FSTL5: variants seen among roughly 807,000 people sequenced by gnomAD.
FSTL5 encodes the protein follistatin like 5.
In FSTL5, 62 loss-of-function variants were observed where a neutral mutation model predicts 89.1. That is an observed-to-expected ratio of 0.70 (90% CI 0.57 to 0.86). The LOEUF is 0.86. Among genes scored for constraint, FSTL5 ranks in the 40% least tolerant of loss-of-function variants. The pLI is 0.00. For missense variants in FSTL5, 1,057 were observed against 1,001.6 expected (o/e 1.06, Z -0.75); for synonymous variants, 383 against 346.2 (o/e 1.11, Z -1.18).
intron 2 of FSTL5, among the ~76,000 whole-genome samples, chr4:162,106,859 A>G (rs530781043): frequency 9.9e-5 from 15 of 152,180 alleles, no homozygotes; most frequent in Admixed American, 9.8e-4. Context: ...AGGACATTTT[A>G]CTCATCATAG....
chr4:162,046,775 A>G (rs1292347027), intron 2 of FSTL5, among the ~76,000 whole-genome samples: 2 of 152,186 alleles, frequency 1.3e-5, no homozygotes, highest in South Asian at 2.1e-4. Flanking sequence ...TATGAAAACT[A>G]GTGAATTTGT....
intron 4 of FSTL5, among the ~76,000 whole-genome samples, chr4:161,892,391 TGTA>T (rs1293251733): frequency 1.3e-5 from 2 of 152,096 alleles, no homozygotes; most frequent in Admixed American, 6.5e-5. Flanking sequence ...TTCTATTAGT[TGTA>T]GTTTCAATAA....
At chr4:161,797,521 G>A (rs17536148) in intron 4 of FSTL5, among the ~76,000 whole-genome samples, 3,890 of 151,438 alleles carry the variant, frequency 0.026, 69 homozygotes, top group Admixed American at 0.041. Flanking sequence ...AGCCATTCTT[G>A]CAGAAAAATG....
intron 1 of FSTL5, among the ~76,000 whole-genome samples, chr4:162,121,509 G>A (rs1164884031): frequency 6.6e-6 from 1 of 152,016 alleles, no homozygotes; most frequent in East Asian, 1.9e-4. Flanking sequence ...TCTGCCTTCA[G>A]AACTGGGGAT....
At chr4:162,063,138 G>A (rs1321453914) in intron 2 of FSTL5, among the ~76,000 whole-genome samples, 4 of 151,534 alleles carry the variant, frequency 2.6e-5, no homozygotes, top group African/African-American at 9.7e-5. Flanking sequence ...TCTGGGTTTA[G>A]CCTTTTAATT....
intron 7 of FSTL5, among the ~76,000 whole-genome samples, chr4:161,646,878 A>G (rs550246760): frequency 1.3e-4 from 20 of 152,146 alleles, no homozygotes; most frequent in Admixed American, 2.0e-4. Flanking sequence ...ATTGAGTTGT[A>G]TGAGTTCTTT....
intron 4 of FSTL5, among the ~76,000 whole-genome samples, chr4:161,779,795 A>ATATATATATATG (rs1741578431): frequency 1.9e-5 from 1 of 52,994 alleles, no homozygotes; most frequent in Non-Finnish European, 3.1e-5. Context: ...ATATATATAT[A>ATATATATATATG]TATATATATA....
At chr4:161,823,799 T>G (rs1352667781) in intron 4 of FSTL5, among the ~76,000 whole-genome samples, 1 of 152,232 alleles carries the variant, frequency 6.6e-6, no homozygotes, top group Admixed American at 6.5e-5. Context: ...AATATGTTTG[T>G]TGGCCATTTG....
chr4:162,059,440 T>C (rs1560996676), intron 2 of FSTL5, among the ~76,000 whole-genome samples: 1 of 152,156 alleles, frequency 6.6e-6, no homozygotes, highest in Non-Finnish European at 1.5e-5. Context: ...CAGTAGAAGT[T>C]AGGTCTGAGG....
chr4:161,594,641 T>C (rs1733947075), intron 7 of FSTL5, among the ~76,000 whole-genome samples: 1 of 152,038 alleles, frequency 6.6e-6, no homozygotes, highest in Admixed American at 6.6e-5. Flanking sequence ...CTCTTTCCTC[T>C]AAATGGAATT....
At chr4:161,502,157 T>C (rs1730314595) in intron 11 of FSTL5, among the ~76,000 whole-genome samples, 1 of 152,042 alleles carries the variant, frequency 6.6e-6, no homozygotes, top group South Asian at 2.1e-4. Context: ...TTGTTTGTCA[T>C]GTTTCTTGAA....
intron 15 of FSTL5, among the ~76,000 whole-genome samples, chr4:161,405,790 C>T (rs1731356025): frequency 6.6e-6 from 1 of 151,900 alleles, no homozygotes; most frequent in Non-Finnish European, 1.5e-5. Context: ...CAAAGCACCA[C>T]AAAGGAAGCG....
chr4:161,695,743 G>A (rs1326623799), intron 6 of FSTL5, among the ~76,000 whole-genome samples: 1 of 151,878 alleles, frequency 6.6e-6, no homozygotes, highest in East Asian at 1.9e-4. Flanking sequence ...TCATATGTTT[G>A]TTGGCCATTT....
intron 4 of FSTL5, among the ~76,000 whole-genome samples, chr4:161,839,390 C>CT (rs977889229): frequency 5.9e-5 from 9 of 152,130 alleles, no homozygotes; most frequent in Middle Eastern, 3.4e-3. Flanking sequence ...TTATAAACCA[C>CT]TTTTTTTGCC....
At chr4:161,857,639 A>G (rs188777580) in intron 4 of FSTL5, among the ~76,000 whole-genome samples, 1 of 151,810 alleles carries the variant, frequency 6.6e-6, no homozygotes, top group Admixed American at 6.5e-5. Context: ...ATTATTTAAT[A>G]TTAAGTTTAT....
chr4:162,160,370 A>G (rs1579073587), intron 1 of FSTL5, among the ~76,000 whole-genome samples: 1 of 152,004 alleles, frequency 6.6e-6, no homozygotes, highest in East Asian at 1.9e-4. Flanking sequence ...GGGATTCTAC[A>G]GCTAACCTAA....
intron 4 of FSTL5, among the ~76,000 whole-genome samples, chr4:161,877,976 C>A (rs1732503103): frequency 8.5e-6 from 1 of 117,752 alleles, no homozygotes; most frequent in Non-Finnish European, 1.8e-5. Context: ...TTTTTAGGTG[C>A]ATATATTTAT....
chr4:161,642,226 T>G (rs1560765691), intron 7 of FSTL5, among the ~76,000 whole-genome samples: 1 of 152,168 alleles, frequency 6.6e-6, no homozygotes, highest in Non-Finnish European at 1.5e-5. Context: ...GCGAAGACAC[T>G]CTTAGCCAAT....
At position 161,724,061 on chromosome 4, in the gene FSTL5, A is replaced by C. The variant is rs115575559; in HGVS notation, c.727+35350T>G. On this transcript the variant is annotated intron_variant, in intron 6 of 15. Transcript: ENST00000306100. ...ATGAATAAGGCCTTAGAAAGAAAGG[A>C]TCACAGAAAAAGCTAAATCGTATTA... 4.8e-3 allele frequency among the ~76,000 whole-genome samples: 725 copies of C among 152,274 alleles called. 4 individuals carry two copies. Among genetic ancestry groups the C allele is most frequent in the African/African-American group, 0.017 (701 of 41,576 alleles).
Sources: allele counts gnomAD v4.1 joint callset (sites outside exome capture counted in the v4.1 genomes callset), GRCh38; gene constraint gnomAD v4.1.1; transcripts MANE v1.5; gene names NCBI Gene and HGNC (gene_info 2026-07-23, HGNC 2026-07-21).